TMC2: variants seen among roughly 807,000 people sequenced by gnomAD.
TMC2 encodes transmembrane channel like 2.
TMC2 carries 102 observed loss-of-function variants against 105.9 expected under a neutral mutation model. The ratio of observed to expected loss-of-function variants is 0.96; its 90% confidence interval spans 0.82 to 1.14. The LOEUF (loss-of-function observed/expected upper bound fraction) is 1.14, where lower values mean the gene tolerates loss of function less well. TMC2 is among the 50% of genes most tolerant of loss of function. TMC2 has a pLI of 0.00. For synonymous variants in TMC2, 402 were observed against 422.8 expected, an observed-to-expected ratio of 0.95 and a Z score of 0.60; for missense variants, 1,093 against 1,134.3, an observed-to-expected ratio of 0.96 and a Z score of 0.52.
Position 2,601,780 on chromosome 20 carries a change from G to A in TMC2, c.1225-333G>A, listed in dbSNP as rs1342487372. ...ACTTGAACCCAGGAGGTGGTGAGCCGAGATTGCACCATTGCACCCCAGCCT... is the reference window on the plus strand; with the variant it reads ...ACTTGAACCCAGGAGGTGGTGAGCCAAGATTGCACCATTGCACCCCAGCCT... On this transcript the variant is annotated intron_variant, in intron 10 of 19. Transcript: ENST00000358864. Among the ~76,000 whole-genome samples the A allele has an allele frequency of 3.3e-5, 5 of 152,018 alleles. No homozygotes were observed. The South Asian group carries it at 6.2e-4, about 19-fold the overall frequency.
intron 19 of TMC2, 115 bp from the exon 20 acceptor site, chr20:2,641,019 C>T: frequency 2.3e-6 from 2 of 876,184 alleles, no homozygotes; most frequent in African/African-American, 1.7e-5. Context: ...CGACAGCTCT[C>T]ACATCACCAA....
Position 2,616,163 on chromosome 20 carries a change from T to C in TMC2, c.1899T>C (p.Ser633=), listed in dbSNP as rs750368897. 1.9e-6 allele frequency: 3 copies of C among 1,613,558 alleles called. No individual in the cohort carries two copies. Among genetic ancestry groups the C allele is most frequent in the Non-Finnish European group, 2.5e-6 (3 of 1,179,632 alleles). Residue 633 remains serine, a synonymous_variant, in exon 15 of 20, where the codon AGT becomes AGC. Coordinates refer to ENST00000358864, the MANE Select transcript of TMC2 (RefSeq NM_080751.3). This position sits in a 1 kb window ranked among gnomAD's most constrained non-coding sequence, Gnocchi z 4.8. The stretch of plus-strand genomic sequence containing the variant: ...CTTCATATGCTGAGTTTGATATTAG[T>C]GGAAATGTGCTGGGTTTGATCTTCA... The part of the protein sequence containing the change: ...GFPSYAEFDI[S]GNVLGLIFNQ...
At chr20:2,572,133 G>A (rs1212450423) in intron 4 of TMC2, 46 bp from the exon 5 acceptor site, 1 of 1,407,608 alleles carries the variant, frequency 7.1e-7, no homozygotes, top group Non-Finnish European at 1.0e-6. Flanking sequence ...ATTTCCTCTG[G>A]TTAGGTGCTA....
chr20:2,630,352 T>C (rs75418835), intron 17 of TMC2, among the ~76,000 whole-genome samples: 3,488 of 152,328 alleles, frequency 0.023, 132 homozygotes, highest in African/African-American at 0.077. Flanking sequence ...CTGTTTTTGC[T>C]TCGTATGTTT....
rs566634322 is a variant in TMC2, at chr20:2,615,651, G to C, written c.1873-486G>C. ...GTGAACTGCTCTCAGACTGGAGGAA[G>C]AAGAGAAGGAGAAAGAAGAGTTGGA... On this transcript the variant is annotated intron_variant, in intron 14 of 19. Coordinates refer to ENST00000358864, the MANE Select transcript of TMC2 (RefSeq NM_080751.3). 3.9e-5 allele frequency among the ~76,000 whole-genome samples: 6 copies of C among 152,350 alleles called. No homozygotes were observed. In the East Asian group the frequency reaches 9.6e-4, roughly 24 times the overall value.
At chr20:2,544,637 A>G (rs756731866) in intron 2 of TMC2, among the ~76,000 whole-genome samples, 5 of 152,190 alleles carry the variant, frequency 3.3e-5, no homozygotes, top group Non-Finnish European at 5.9e-5. Flanking sequence ...GTTCTGGACC[A>G]CCACCCACCC....
chr20:2,543,680 G>A (rs190436333), intron 2 of TMC2, among the ~76,000 whole-genome samples: 101 of 152,266 alleles, frequency 6.6e-4, no homozygotes, highest in African/African-American at 2.0e-3. Flanking sequence ...CAGACACTAA[G>A]GTATAGCTGG....
At chr20:2,554,377 A>C (rs181155541) in intron 2 of TMC2, among the ~76,000 whole-genome samples, 2 of 152,166 alleles carry the variant, frequency 1.3e-5, no homozygotes, top group Non-Finnish European at 2.9e-5. Flanking sequence ...AATATTATCA[A>C]TCTTTTCAAA....
At chr20:2,633,892 A>T (rs551761065) in intron 17 of TMC2, among the ~76,000 whole-genome samples, 1 of 152,290 alleles carries the variant, frequency 6.6e-6, no homozygotes, top group African/African-American at 2.4e-5. Context: ...GTTCTGAAAA[A>T]ATTTGATTCT....
intron 17 of TMC2, among the ~76,000 whole-genome samples, chr20:2,624,913 C>T (rs1326991524): frequency 6.6e-6 from 1 of 152,164 alleles, no homozygotes; most frequent in African/African-American, 2.4e-5. Flanking sequence ...AACGGTGATT[C>T]GGCCTGATCC....
In TMC2 at chr20:2,561,958, G is replaced by C. The variant is rs773612919; in HGVS notation, c.502G>C (p.Ala168Pro). ...EQVEEKKKLI[A>P]TMRSKPWPMA... ...GGTGGAAGAAAAAAAGAAGCTCATT[G>C]CCACCATGCGGAGCAAGCCCTGGCC... is the stretch of plus-strand genomic sequence containing the variant. Residue 168 changes from alanine to proline, a missense_variant, in exon 4 of 20, where the codon GCC becomes CCC. By Grantham distance (27) the Ala-to-Pro change is conservative (BLOSUM62 -1). Transcript: ENST00000358864. 6.2e-7 allele frequency: 1 copy of C among 1,614,226 alleles called. No homozygotes were observed. The highest frequency in any genetic ancestry group is 1.3e-5 in the African/African-American group (1 of 75,064).
intron 3 of TMC2, among the ~76,000 whole-genome samples, chr20:2,560,965 C>T (rs1363443298): frequency 1.3e-5 from 2 of 152,190 alleles, no homozygotes; most frequent in African/African-American, 2.4e-5. Context: ...GCTGGAAATT[C>T]TCCACAGCCC....
At chr20:2,635,888 G>T in intron 17 of TMC2, 38 bp from the exon 18 acceptor site, 1 of 1,555,740 alleles carries the variant, frequency 6.4e-7, no homozygotes, top group South Asian at 1.1e-5. Context: ...CATCTGCCAA[G>T]ATCACGGGAC....
At chr20:2,543,169 A>G (rs1192353171) in intron 2 of TMC2, among the ~76,000 whole-genome samples, 3 of 152,122 alleles carry the variant, frequency 2.0e-5, no homozygotes, top group South Asian at 2.1e-4. Context: ...CCTGGGAGGT[A>G]GAGGCTGCAG....
chr20:2,605,593 A>T (rs1262237655), intron 11 of TMC2, among the ~76,000 whole-genome samples: 1 of 152,188 alleles, frequency 6.6e-6, no homozygotes, highest in Non-Finnish European at 1.5e-5. Context: ...TAAAGGCCCC[A>T]TCTCCAAATA....
Position 2,641,435 on chromosome 20 carries a change from CCT to C in TMC2, c.*87_*88del, listed in dbSNP as rs561082494. The C allele has an allele frequency of 6.5e-4, 509 of 788,742 alleles. 4 individuals carry two copies. In the African/African-American group the frequency reaches 7.2e-3, roughly 11 times the overall value. The allele number at this position is 788,742 out of a possible 1,614,324, so 48.9% of individuals were successfully genotyped here. A position where few individuals can be genotyped will look rare whatever the true frequency, so the allele number is the denominator to read the frequency against. On this transcript the variant is annotated 3_prime_UTR_variant, in exon 20 of 20. Transcript: ENST00000358864. ...CACATACCAAACCAAGGTTCTCTCC[CCT>C]CTTTCCTCTCACATACATGCTCTGT...
At chr20:2,574,712 G>A (rs549811076) in intron 5 of TMC2, among the ~76,000 whole-genome samples, 6 of 151,944 alleles carry the variant, frequency 3.9e-5, no homozygotes, top group African/African-American at 1.4e-4. Context: ...TTTTATATCT[G>A]TTGGGTTTGA....
At chr20:2,603,346 A>C (rs2086365662) in intron 11 of TMC2, among the ~76,000 whole-genome samples, 1 of 152,232 alleles carries the variant, frequency 6.6e-6, no homozygotes, top group South Asian at 2.1e-4. Flanking sequence ...CCCCCAACAA[A>C]GCAAGAAAGG....
rs1168058490 is a variant in TMC2 at position 2,616,913 on chromosome 20, T to C, written c.1941-159T>C. Among the ~76,000 whole-genome samples the C allele has an allele frequency of 6.6e-6, 1 of 152,200 alleles. No homozygotes were observed. The highest frequency in any genetic ancestry group is 1.5e-5 in the Non-Finnish European group (1 of 68,026). Reference sequence around the variant, plus strand: ...GGACTGCATGGTTCTGGCTTGATGATCGATATTCTGGTTAAATGGGAGGCC... The same window carrying C: ...GGACTGCATGGTTCTGGCTTGATGACCGATATTCTGGTTAAATGGGAGGCC... On this transcript the variant is annotated intron_variant, in intron 15 of 19. Transcript: ENST00000358864. The surrounding 1 kb of genome is among the most constrained non-coding windows in gnomAD (Gnocchi z 4.8).
Sources: gnomAD v4.1 joint callset for allele counts (sites outside exome capture counted in the v4.1 genomes callset) on GRCh38, gnomAD v4.1.1 for gene constraint, Gnocchi (gnomAD v3.1) non-coding constraint, MANE v1.5 for transcripts, NCBI Gene and HGNC (gene_info 2026-07-23, HGNC 2026-07-21) for gene names.